The following NEXMIF variants were observed in gnomAD, a reference collection of about 807,000 sequenced individuals.
NEXMIF encodes the protein neurite extension and migration factor, also known as XLMR protein related to neurite extension.
NEXMIF carries 8 observed loss-of-function variants against 62.1 expected under a neutral mutation model. That is an observed-to-expected ratio of 0.13 (90% CI 0.08 to 0.23). The LOEUF is 0.23. Among genes scored for constraint, NEXMIF ranks in the 10% least tolerant of loss-of-function variants. The probability of loss-of-function intolerance (pLI) is 1.00; values close to 1 mark genes in which losing one functional copy is unlikely to be tolerated. For synonymous variants in NEXMIF, 404 were observed against 416.6 expected, an observed-to-expected ratio of 0.97 and a Z score of 0.37; for missense variants, 976 against 1,113.3, an observed-to-expected ratio of 0.88 and a Z score of 1.75.
chrX:74,923,394 T>C (rs2080833365), intron 1 of NEXMIF, among the ~76,000 whole-genome samples: 1 of 112,512 alleles, frequency 8.9e-6, no homozygotes, highest in Non-Finnish European at 1.9e-5. Context: ...CATATTTCAC[T>C]GGGATAGAGT....
rs1187657052 is a variant in NEXMIF, at chrX:74,789,419, A to C, written c.-47-43722T>G. Among the ~76,000 whole-genome samples the C allele has an allele frequency of 2.1e-4, 23 of 108,622 alleles. No individual in the cohort carries two copies. In the Admixed American group the frequency reaches 2.2e-3, roughly 10 times the overall value. 94.3% of individuals were successfully genotyped at this position (108,622 alleles called of 115,157 possible). ...TTCCAAGTCTTTGCTATTGTGAATA[A>C]TGCTGCAATAAACATATGTGTGCAT... is the stretch of plus-strand genomic sequence containing the variant. On this transcript the variant is annotated intron_variant, in intron 1 of 3. Coordinates refer to ENST00000055682, the MANE Select transcript of NEXMIF (RefSeq NM_001008537.3).
chrX:74,797,519 CA>C (rs1422604117), intron 1 of NEXMIF, among the ~76,000 whole-genome samples: 3 of 112,211 alleles, frequency 2.7e-5, no homozygotes, highest in African/African-American at 9.7e-5. Flanking sequence ...CACACACACA[CA>C]GAGTTAATAG....
At chrX:74,806,206 C>T (rs2080344519) in intron 1 of NEXMIF, among the ~76,000 whole-genome samples, 1 of 110,910 alleles carries the variant, frequency 9.0e-6, no homozygotes. Context: ...TGGATCACGC[C>T]TTTGATGTTT....
At chrX:74,852,064 T>C (rs1291433301) in intron 1 of NEXMIF, among the ~76,000 whole-genome samples, 2 of 110,427 alleles carry the variant, frequency 1.8e-5, no homozygotes, top group African/African-American at 3.3e-5. Flanking sequence ...AGAATCCCTA[T>C]AAGAACTCAT....
chrX:74,900,594 AAAGCAGTGT>A (rs889391394), intron 1 of NEXMIF, among the ~76,000 whole-genome samples: 1 of 112,139 alleles, frequency 8.9e-6, no homozygotes, highest in African/African-American at 3.2e-5. Flanking sequence ...ACCACAATGG[AAAGCAGTGT>A]GGAAATTCTT....
intron 1 of NEXMIF, among the ~76,000 whole-genome samples, chrX:74,760,422 A>C (rs765933042): frequency 9.0e-6 from 1 of 111,700 alleles, no homozygotes; most frequent in South Asian, 3.8e-4. Flanking sequence ...AACTTCTAAT[A>C]TGTTGAATAG....
chrX:74,795,000 C>T (rs989513363), intron 1 of NEXMIF, among the ~76,000 whole-genome samples: 1 of 111,813 alleles, frequency 8.9e-6, no homozygotes, highest in African/African-American at 3.3e-5. Context: ...TGGCTCCTCC[C>T]ATCCCATTGA....
intron 1 of NEXMIF, among the ~76,000 whole-genome samples, chrX:74,859,776 G>C (rs1449361532): frequency 9.0e-6 from 1 of 111,594 alleles, no homozygotes; most frequent in Non-Finnish European, 1.9e-5. Context: ...TTAAGGGGTA[G>C]AGTGTTTATT....
At chrX:74,864,110 C>T (rs991384675) in intron 1 of NEXMIF, among the ~76,000 whole-genome samples, 1 of 111,751 alleles carries the variant, frequency 8.9e-6, no homozygotes, top group Non-Finnish European at 1.9e-5. Context: ...AAAGGATATA[C>T]ATCAATATAA....
chrX:74,741,263 G>A lies in NEXMIF; in HGVS notation c.3294C>T (p.Phe1098=), dbSNP rs756252858. The stretch of plus-strand genomic sequence containing the variant: ...CCAATGGTCCTGGGACACCCTCTTG[G>A]AACCCCTTTAGTGTTCCTAGTGTCT... ...SMKTLGTLKG[F]QEGVPGPLDS... The change falls in exon 3 of 4, where the codon TTC becomes TTT. Residue 1098 remains phenylalanine, a synonymous_variant. Coordinates refer to ENST00000055682, the MANE Select transcript of NEXMIF (RefSeq NM_001008537.3). 11 of 1,211,004 alleles carry A rather than the reference G, an allele frequency of 9.1e-6. No homozygotes were observed. The Middle Eastern group carries it at 6.9e-4, about 76-fold the overall frequency.
Position 74,743,091 on chromosome X carries a change from C to T in NEXMIF, c.1466G>A (p.Ser489Asn), listed in dbSNP as rs760276075. ...GTCAACATCATATAGATAATCTTCA[C>T]TGTATCTGACTTTTCTCTTGGCTCG... ...GLRAKRKVRY[S>N]EDYLYDVDSL... Residue 489 changes from serine to asparagine, a missense_variant, in exon 3 of 4, where the codon AGT becomes AAT. Coordinates refer to ENST00000055682, the MANE Select transcript of NEXMIF (RefSeq NM_001008537.3). The T allele has an allele frequency of 3.3e-6, 4 of 1,210,705 alleles. No individual in the cohort carries two copies. The Admixed American group carries it at 8.7e-5, about 26-fold the overall frequency.
chrX:74,886,668 G>T (rs1406960161), intron 1 of NEXMIF, among the ~76,000 whole-genome samples: 2 of 110,633 alleles, frequency 1.8e-5, no homozygotes, highest in African/African-American at 6.7e-5. Context: ...ACAAATGGAA[G>T]AACATTCCAT....
At chrX:74,808,561 T>C (rs1041658467) in intron 1 of NEXMIF, among the ~76,000 whole-genome samples, 5 of 112,239 alleles carry the variant, frequency 4.5e-5, no homozygotes, top group Non-Finnish European at 9.4e-5. Flanking sequence ...GGCTTTGGTA[T>C]TAGTGTAATG....
intron 1 of NEXMIF, among the ~76,000 whole-genome samples, chrX:74,832,028 G>A: frequency 8.9e-6 from 1 of 112,016 alleles, no homozygotes. Context: ...TTTTAATGAG[G>A]ACTTTTACAG....
intron 1 of NEXMIF, among the ~76,000 whole-genome samples, chrX:74,830,344 A>C (rs1365305665): frequency 8.9e-6 from 1 of 111,772 alleles, no homozygotes; most frequent in East Asian, 2.8e-4. Flanking sequence ...ATCTTTGTCG[A>C]ACACGAGCTC....
chrX:74,860,813 TAAAC>T (rs2080554664), intron 1 of NEXMIF, among the ~76,000 whole-genome samples: 1 of 110,978 alleles, frequency 9.0e-6, no homozygotes, highest in Non-Finnish European at 1.9e-5. Flanking sequence ...CAACTTCAAA[TAAAC>T]AACCTAATGA....
intron 1 of NEXMIF, among the ~76,000 whole-genome samples, chrX:74,860,208 C>G (rs941501592): frequency 1.8e-5 from 2 of 111,203 alleles, no homozygotes; most frequent in Non-Finnish European, 3.8e-5. Context: ...GAGGATATAC[C>G]AATTTTAAAT....
At chrX:74,779,323 G>A (rs749750024) in intron 1 of NEXMIF, among the ~76,000 whole-genome samples, 1 of 110,879 alleles carries the variant, frequency 9.0e-6, no homozygotes, top group East Asian at 2.8e-4. Context: ...CCATGACTAC[G>A]ACCACATCTT....
At chrX:74,880,322 G>A (rs780072041) in intron 1 of NEXMIF, among the ~76,000 whole-genome samples, 76 of 111,314 alleles carry the variant, frequency 6.8e-4, no homozygotes, top group Middle Eastern at 4.6e-3. Flanking sequence ...TCTTTCACCA[G>A]CAATGGAACT....
Sources: gnomAD v4.1 joint callset for allele counts (sites outside exome capture counted in the v4.1 genomes callset) on GRCh38, gnomAD v4.1.1 for gene constraint, MANE v1.5 for transcripts, NCBI Gene and HGNC (gene_info 2026-07-23, HGNC 2026-07-21) for gene names.